Variants in CLDN16 observed in about 807,000 individuals in gnomAD.
CLDN16 encodes claudin-16.
Under a neutral mutation model 24.6 loss-of-function variants are expected in CLDN16, and 13 were observed. That is an observed-to-expected ratio of 0.53 (90% CI 0.34 to 0.84). The LOEUF is 0.84. Among genes scored for constraint, CLDN16 ranks in the 40% least tolerant of loss-of-function variants. The pLI is 0.01. For missense variants in CLDN16, 298 were observed against 292.7 expected, an observed-to-expected ratio of 1.02 and a Z score of -0.13; for synonymous variants, 116 against 106.7, an observed-to-expected ratio of 1.09 and a Z score of -0.54.
chr3:190,347,353 C>A (rs1717572633), intron 1 of CLDN16, among the ~76,000 whole-genome samples: 1 of 152,122 alleles, frequency 6.6e-6, no homozygotes, highest in South Asian at 2.1e-4. Context: ...CTAGAAAACA[C>A]TGGACAAAAG....
upstream of CLDN16, among the ~76,000 whole-genome samples, chr3:190,318,550 A>AACT (rs376199996): frequency 3.8e-3 from 574 of 152,306 alleles, 5 homozygotes; most frequent in African/African-American, 0.013. Flanking sequence ...TAAGTGGGGT[A>AACT]ACTACTTGAA....
intron 1 of CLDN16, among the ~76,000 whole-genome samples, chr3:190,370,082 A>C (rs1411126060): frequency 1.3e-5 from 2 of 151,956 alleles, no homozygotes; most frequent in African/African-American, 2.4e-5. Flanking sequence ...CAAGAGCACT[A>C]AATGGGCCAT....
upstream of CLDN16, among the ~76,000 whole-genome samples, chr3:190,385,685 G>T (rs939512048): frequency 6.6e-6 from 1 of 151,948 alleles, no homozygotes; most frequent in African/African-American, 2.4e-5. Flanking sequence ...TTTCCATTAA[G>T]TTCTGATATT....
chr3:190,383,184 A>G (rs1397717520), upstream of CLDN16, among the ~76,000 whole-genome samples: 1 of 152,098 alleles, frequency 6.6e-6, no homozygotes, highest in Non-Finnish European at 1.5e-5. Flanking sequence ...CAAACAAACA[A>G]ATAAACTTAA....
chr3:190,304,255 G>A, the CLDN16 span, among the ~76,000 whole-genome samples: 4 of 152,064 alleles, frequency 2.6e-5, no homozygotes, highest in Admixed American at 6.6e-5. Context: ...GGAGATCTCC[G>A]TGGCTCACCT....
chr3:190,394,590 G>A (rs1345006059), intron 1 of CLDN16, among the ~76,000 whole-genome samples: 1 of 152,032 alleles, frequency 6.6e-6, no homozygotes, highest in African/African-American at 2.4e-5. Context: ...GGCTACAAAT[G>A]TTCTCTTATT....
intron 1 of CLDN16, among the ~76,000 whole-genome samples, chr3:190,334,307 A>G (rs571754731): frequency 1.3e-5 from 2 of 152,332 alleles, no homozygotes; most frequent in South Asian, 4.1e-4. Context: ...GAGGAAAAGT[A>G]TTTGAGAAGT....
intron 3 of CLDN16, among the ~76,000 whole-genome samples, chr3:190,377,448 C>T (rs1290434078): frequency 2.0e-5 from 3 of 151,802 alleles, no homozygotes; most frequent in Non-Finnish European, 2.9e-5. Context: ...CCATTTGGGT[C>T]TCCGTTAGTT....
chr3:190,310,667 C>A, the CLDN16 span, among the ~76,000 whole-genome samples: 145 of 152,252 alleles, frequency 9.5e-4, no homozygotes, highest in African/African-American at 3.2e-3. Context: ...TGTTCTTGAT[C>A]AAACTCAAAA....
the CLDN16 span, among the ~76,000 whole-genome samples, chr3:190,309,415 T>C: frequency 1.8e-4 from 27 of 152,280 alleles, no homozygotes; most frequent in African/African-American, 6.5e-4. Context: ...AAGAAACACA[T>C]CTTATCTCTC....
At chr3:190,353,132 C>T (rs1717703139) in intron 1 of CLDN16, among the ~76,000 whole-genome samples, 1 of 152,028 alleles carries the variant, frequency 6.6e-6, no homozygotes, top group Non-Finnish European at 1.5e-5. Flanking sequence ...AGCATTAATA[C>T]AAAGTCACAG....
the CLDN16 span, among the ~76,000 whole-genome samples, chr3:190,298,875 T>G: frequency 2.0e-5 from 3 of 152,246 alleles, no homozygotes; most frequent in Non-Finnish European, 4.4e-5. Flanking sequence ...CAGTGAAAAT[T>G]TTAAAGGTTT....
chr3:190,321,759 A>C (rs1417082612), upstream of CLDN16, among the ~76,000 whole-genome samples: 1 of 152,190 alleles, frequency 6.6e-6, no homozygotes, highest in Non-Finnish European at 1.5e-5. Context: ...CTAGAGTGGC[A>C]GAAGTGTCAC....
chr3:190,301,957 G>A, the CLDN16 span, among the ~76,000 whole-genome samples: 1 of 152,114 alleles, frequency 6.6e-6, no homozygotes. Context: ...CAAAGTAAAA[G>A]AGGAAGTCTT....
intron 3 of CLDN16, among the ~76,000 whole-genome samples, chr3:190,382,005 T>A (rs1374653023): frequency 6.6e-6 from 1 of 151,796 alleles, no homozygotes; most frequent in Non-Finnish European, 1.5e-5. Context: ...AATGACCAAT[T>A]GAATGTGTTT....
intron 1 of CLDN16, among the ~76,000 whole-genome samples, chr3:190,355,504 T>C (rs1361332005): frequency 6.6e-6 from 1 of 151,912 alleles, no homozygotes; most frequent in Non-Finnish European, 1.5e-5. Flanking sequence ...AATAATTTTG[T>C]AGAATGACCC....
chr3:190,327,581 A>G (rs1253606612), intron 1 of CLDN16, among the ~76,000 whole-genome samples: 2 of 152,226 alleles, frequency 1.3e-5, no homozygotes, highest in Admixed American at 6.5e-5. Flanking sequence ...AGCTAGCAAA[A>G]AGCAGAGTTG....
intron 1 of CLDN16, among the ~76,000 whole-genome samples, chr3:190,358,641 C>T (rs538760366): frequency 5.9e-5 from 9 of 151,860 alleles, no homozygotes; most frequent in African/African-American, 1.9e-4. Context: ...TAATTAATCT[C>T]CACAGTAAAC....
chr3:190,408,621 C>T (rs1719168346), intron 4 of CLDN16, 116 bp downstream of exon 4: 2 of 965,918 alleles, frequency 2.1e-6, no homozygotes, highest in African/African-American at 3.3e-5. Flanking sequence ...TACCTATTGC[C>T]ATTAAAAATT....
Sources: allele counts gnomAD v4.1 joint callset (sites outside exome capture counted in the v4.1 genomes callset), GRCh38; gene constraint gnomAD v4.1.1; transcripts MANE v1.5; gene names NCBI Gene and HGNC (gene_info 2026-07-23, HGNC 2026-07-21).